The following TENM2 variants were observed in gnomAD, a reference collection of about 807,000 sequenced individuals.
TENM2 encodes the protein teneurin transmembrane protein 2, also known as teneurin-2.
A neutral mutation model predicts 245.2 loss-of-function variants in TENM2; 52 were observed. The ratio of observed to expected loss-of-function variants is 0.21; its 90% CI spans 0.17 to 0.27. The LOEUF is 0.27. TENM2 is among the 10% of genes least tolerant of loss of function. TENM2 has a pLI of 1.00. For missense variants in TENM2, 3,046 were observed against 3,666.8 expected (o/e 0.83, Z 4.37); for synonymous variants, 1,363 against 1,438.9 (o/e 0.95, Z 1.19).
the TENM2 span, among the ~76,000 whole-genome samples, chr5:167,241,307 T>G: frequency 6.6e-6 from 1 of 152,206 alleles, no homozygotes; most frequent in Non-Finnish European, 1.5e-5. Context: ...TCTTGTTCCT[T>G]ACAAACACTA....
intron 1 of TENM2, among the ~76,000 whole-genome samples, chr5:167,307,283 C>T (rs367766780): frequency 2.0e-5 from 3 of 152,074 alleles, no homozygotes; most frequent in East Asian, 1.9e-4. Flanking sequence ...CACGGGTGAG[C>T]GATTTTTGAC....
At chr5:167,178,401 A>G in the TENM2 span, among the ~76,000 whole-genome samples, 1 of 152,210 alleles carries the variant, frequency 6.6e-6, no homozygotes, top group Non-Finnish European at 1.5e-5. Flanking sequence ...CGGCTCCAGA[A>G]CAAGGTGAAG....
chr5:167,132,301 C>G, the TENM2 span, among the ~76,000 whole-genome samples: 1 of 152,134 alleles, frequency 6.6e-6, no homozygotes, highest in Non-Finnish European at 1.5e-5. Flanking sequence ...TAGACTCTCT[C>G]CCAAAGGTGA....
At chr5:167,029,670 G>A in the TENM2 span, among the ~76,000 whole-genome samples, 12 of 152,122 alleles carry the variant, frequency 7.9e-5, no homozygotes, top group African/African-American at 2.4e-4. Flanking sequence ...CTGTTGCCAG[G>A]GACAACAGAT....
At chr5:167,415,873 CTAT>C (rs1263361521) in intron 2 of TENM2, among the ~76,000 whole-genome samples, 1 of 152,066 alleles carries the variant, frequency 6.6e-6, no homozygotes, top group African/African-American at 2.4e-5. Flanking sequence ...ATTTCTGAAT[CTAT>C]TATTAGTTGA....
At chr5:167,819,210 T>A (rs1470685092) in intron 2 of TENM2, among the ~76,000 whole-genome samples, 1 of 152,206 alleles carries the variant, frequency 6.6e-6, no homozygotes, top group Non-Finnish European at 1.5e-5. Context: ...ACTTCCCCTG[T>A]CCGGGCTCTT....
At chr5:167,584,045 C>G (rs1373106134) in intron 2 of TENM2, among the ~76,000 whole-genome samples, 2 of 152,234 alleles carry the variant, frequency 1.3e-5, no homozygotes, top group African/African-American at 4.8e-5. Context: ...CTTATTGTAA[C>G]AGTGTCCTCA....
At chr5:168,054,513 G>A (rs1183719853) in intron 6 of TENM2, among the ~76,000 whole-genome samples, 1 of 152,232 alleles carries the variant, frequency 6.6e-6, no homozygotes, top group African/African-American at 2.4e-5. Context: ...TAATCTGCAA[G>A]GCAGATTTAT....
intron 2 of TENM2, among the ~76,000 whole-genome samples, chr5:167,461,017 G>A (rs1766260891): frequency 6.6e-6 from 1 of 152,108 alleles, no homozygotes. Flanking sequence ...TTGATAGGAG[G>A]AGAGCCTAAA....
At chr5:167,565,228 A>T (rs1773837115) in intron 2 of TENM2, among the ~76,000 whole-genome samples, 1 of 152,364 alleles carries the variant, frequency 6.6e-6, no homozygotes, top group East Asian at 1.9e-4. Context: ...TATGCGTGAG[A>T]TGATGTCATA....
chr5:168,212,255 T>G (rs1195823735), intron 20 of TENM2, among the ~76,000 whole-genome samples: 2 of 152,100 alleles, frequency 1.3e-5, no homozygotes, highest in Non-Finnish European at 2.9e-5. Flanking sequence ...GCATTGAGAA[T>G]TTTCATGGAG....
At position 168,103,607 on chromosome 5, in the gene TENM2, A is replaced by C. The variant is rs190355229; in HGVS notation, c.1813+5480A>C. ...TCCGGTGATTGGATTGACGTTATGC[A>C]TTTTTAGCAAGATGCTATGCCCTCC... is the stretch of plus-strand genomic sequence containing the variant. On this transcript the variant is annotated intron_variant, in intron 9 of 28. Transcript: ENST00000518659. 4.7e-4 allele frequency among the ~76,000 whole-genome samples: 71 copies of C among 152,236 alleles called. 1 individual carries two copies. Among genetic ancestry groups the C allele is most frequent in the African/African-American group, 1.7e-3 (70 of 41,538 alleles).
intron 4 of TENM2, among the ~76,000 whole-genome samples, chr5:167,954,547 A>G (rs1370509447): frequency 6.6e-6 from 1 of 152,204 alleles, no homozygotes; most frequent in Non-Finnish European, 1.5e-5. Context: ...TAAACATGCC[A>G]TGGTGGTTTC....
intron 2 of TENM2, among the ~76,000 whole-genome samples, chr5:167,617,045 A>G (rs1406231778): frequency 6.6e-6 from 1 of 152,188 alleles, no homozygotes; most frequent in Non-Finnish European, 1.5e-5. Flanking sequence ...TTACACAAGT[A>G]TTGCTCAGAA....
At chr5:167,427,616 GGAAGGAAGA>G (rs1271444197) in intron 2 of TENM2, among the ~76,000 whole-genome samples, 5 of 108,254 alleles carry the variant, frequency 4.6e-5, no homozygotes, top group Non-Finnish European at 5.3e-5. Flanking sequence ...GGGAAGGAAG[GGAAGGAAGA>G]AAGGACGGAA....
chr5:167,029,286 C>A, the TENM2 span, among the ~76,000 whole-genome samples: 1 of 152,126 alleles, frequency 6.6e-6, no homozygotes, highest in East Asian at 1.9e-4. Flanking sequence ...TAGTACAGAT[C>A]CTTGACCTGT....
chr5:167,507,784 A>T (rs1190861165), intron 2 of TENM2, among the ~76,000 whole-genome samples: 1 of 152,222 alleles, frequency 6.6e-6, no homozygotes, highest in Admixed American at 6.5e-5. Flanking sequence ...AACAATTACC[A>T]TAGGAATTAC....
the TENM2 span, among the ~76,000 whole-genome samples, chr5:167,237,105 A>G: frequency 6.6e-6 from 1 of 151,516 alleles, no homozygotes; most frequent in African/African-American, 2.4e-5. Flanking sequence ...GAAGCTAGGA[A>G]CCCCTGTTTT....
chr5:167,470,961 C>T (rs1208754621), intron 2 of TENM2, among the ~76,000 whole-genome samples: 1 of 152,164 alleles, frequency 6.6e-6, no homozygotes, highest in Non-Finnish European at 1.5e-5. Flanking sequence ...TGTTCTTTCT[C>T]TCCAGCCTCA....
Sources: gnomAD v4.1 joint callset for allele counts (sites outside exome capture counted in the v4.1 genomes callset) on GRCh38, gnomAD v4.1.1 for gene constraint, MANE v1.5 for transcripts, NCBI Gene and HGNC (gene_info 2026-07-23, HGNC 2026-07-21) for gene names.